The following SACS variants were observed in gnomAD, a reference collection of about 807,000 sequenced individuals.
The protein encoded by SACS is sacsin.
Under a neutral mutation model 348.0 loss-of-function variants are expected in SACS, and 197 were observed. The ratio of observed to expected loss-of-function variants is 0.57; its 90% CI spans 0.50 to 0.64. The LOEUF is 0.64. SACS is among the 30% of genes least tolerant of loss of function. The probability of loss-of-function intolerance (pLI) is 0.00; values close to 1 mark genes in which losing one functional copy is unlikely to be tolerated. For missense variants in SACS, 4,999 were observed against 5,360.8 expected, an observed-to-expected ratio of 0.93 and a Z score of 2.11; for synonymous variants, 1,985 against 1,910.6, an observed-to-expected ratio of 1.04 and a Z score of -1.02.
At chr13:23,394,624 C>A (rs1228939864) in intron 2 of SACS, among the ~76,000 whole-genome samples, 1 of 152,184 alleles carries the variant, frequency 6.6e-6, no homozygotes, top group Non-Finnish European at 1.5e-5. Context: ...GAGGCTGAGG[C>A]AAGTGGATCA....
chr13:23,346,688 C>T (rs1315513645), intron 9 of SACS: 1 of 215,116 alleles, frequency 4.6e-6, no homozygotes, highest in African/African-American at 2.3e-5. Flanking sequence ...ATAGTTATTA[C>T]CACCAGAAAA....
At chr13:23,373,667 G>A (rs1450326906) in intron 3 of SACS, among the ~76,000 whole-genome samples, 2 of 152,158 alleles carry the variant, frequency 1.3e-5, no homozygotes, top group African/African-American at 4.8e-5. Flanking sequence ...GGGCGTGGTG[G>A]CACACGCCTG....
chr13:23,363,481 C>T (rs1870869902), intron 6 of SACS, among the ~76,000 whole-genome samples: 1 of 152,172 alleles, frequency 6.6e-6, no homozygotes, highest in South Asian at 2.1e-4. Flanking sequence ...CCCACTTGGC[C>T]TCCCAAAGTG....
At position 23,339,511 on chromosome 13, in the gene SACS, T is replaced by C; in HGVS notation, c.4365A>G (p.Gly1455=). The C allele has an allele frequency of 6.2e-7, 1 of 1,612,870 alleles. No individual in the cohort carries two copies. The highest frequency in any genetic ancestry group is 8.5e-7 in the Non-Finnish European group (1 of 1,179,058). ...TTCTTACAGTAAGTGGCTCTCTTTGTCCTGACTGCTCAAATCCCATGTTTT... is the reference window on the plus strand; with the variant it reads ...TTCTTACAGTAAGTGGCTCTCTTTGCCCTGACTGCTCAAATCCCATGTTTT... ...NPENMGFEQS[G]QREPLTVRIK... is the part of the protein sequence containing the mutation. The change falls in exon 10 of 10, where the codon GGA becomes GGG. Residue 1455 remains glycine (G), a synonymous_variant. Transcript: ENST00000382292.
Position 23,358,397 on chromosome 13 carries a change from T to A in SACS, c.542A>T (p.Lys181Met). Residue 181 changes from lysine to methionine, a missense_variant, in exon 7 of 10, where the codon AAG becomes ATG. Around this residue, in one of 6 missense-constraint regions of SACS, gnomAD observed 3,156 missense variants for 3,380.1 expected, o/e 0.93. Transcript: ENST00000382292. ...TCTTCCGACCTTCAGAGGATCATCC[T>A]TTTTCCTGCTTCTTGCTATTTCTTG... ...GIQEIARSRKKDDPLKVGRFG... is the reference protein window; with the variant it reads ...GIQEIARSRKMDDPLKVGRFG... The A allele has an allele frequency of 6.2e-7, 1 of 1,614,006 alleles. No individual in the cohort carries two copies. The highest frequency in any genetic ancestry group is 8.5e-7 in the Non-Finnish European group (1 of 1,179,862).
chr13:23,348,339 A>C (rs572567623), intron 9 of SACS, among the ~76,000 whole-genome samples: 1 of 151,896 alleles, frequency 6.6e-6, no homozygotes, highest in African/African-American at 2.4e-5. Flanking sequence ...GAAGACACTG[A>C]TTTGAAGAGA....
intron 2 of SACS, among the ~76,000 whole-genome samples, chr13:23,393,204 A>C (rs1275582835): frequency 6.6e-6 from 1 of 152,194 alleles, no homozygotes; most frequent in Non-Finnish European, 1.5e-5. Context: ...ACCCAGAAAT[A>C]GCTGGGGAAG....
chr13:23,344,475 A>T (rs1324906555), intron 9 of SACS, among the ~76,000 whole-genome samples: 1 of 152,210 alleles, frequency 6.6e-6, no homozygotes, highest in Non-Finnish European at 1.5e-5. Context: ...TAAAGGAGAG[A>T]GAAAATGTAG....
chr13:23,343,753 A>C (rs1282112603), intron 9 of SACS, among the ~76,000 whole-genome samples: 1 of 152,218 alleles, frequency 6.6e-6, no homozygotes, highest in South Asian at 2.1e-4. Context: ...CAGGCTCTGG[A>C]AACTTTTGCG....
chr13:23,331,237 TTC>T lies in SACS; in HGVS notation c.12637_12638del (p.Glu4213ArgfsTer3). The T allele has an allele frequency of 6.2e-7, 1 of 1,613,956 alleles. No individual in the cohort carries two copies. Among genetic ancestry groups the T allele is most frequent in the Non-Finnish European group, 8.5e-7 (1 of 1,179,866 alleles). ...CTAGAAAACTAGAATTGTCAGCATC[TTC>T]TCTTTCAACTTCTTGTACAATAATT... ...YAIIVQEVER[E>X]DADNSSFLGK... On this transcript the variant is annotated frameshift_variant, in exon 10 of 10. Transcript: ENST00000382292. LOFTEE classifies it high-confidence loss of function.
rs1315451572 is a variant in SACS at position 23,341,544 on chromosome 13, A to C, written c.2332T>G (p.Trp778Gly). Residue 778 changes from tryptophan (W) to glycine (G), a missense_variant, in exon 10 of 10, where the codon TGG becomes GGG. Trp to Gly is a radical substitution (Grantham distance 184, BLOSUM62 -2). Around this residue, in one of 6 missense-constraint regions of SACS, gnomAD observed 3,156 missense variants for 3,380.1 expected, o/e 0.93. Coordinates refer to ENST00000382292, the MANE Select transcript of SACS (RefSeq NM_014363.6). ...DENRNHPSVS[W>G]LKMVWKNLYI... ...AGATTTTTCCAAACCATCTTAAGCCATGAAACAGATGGGTGATTTCTGTTT... is the reference window on the plus strand; with the variant it reads ...AGATTTTTCCAAACCATCTTAAGCCCTGAAACAGATGGGTGATTTCTGTTT... 1 of 1,614,140 alleles carries C rather than the reference A, an allele frequency of 6.2e-7. No homozygotes were observed.
rs745677991 is a variant in SACS at position 23,335,242 on chromosome 13, C to G, written c.8634G>C (p.Gly2878=). 8.7e-6 allele frequency: 14 copies of G among 1,613,784 alleles called. No individual in the cohort carries two copies. The African/African-American group carries it at 1.5e-4, about 17-fold the overall frequency. ...AGTGGCCATTCACATGAAATGGCAG[C>G]CCAGTCTCCAAAGAAAGAGGCAAAA... The part of the protein sequence containing the change: ...FCFLPLSLET[G]LPFHVNGHFA... The change falls in exon 10 of 10, where the codon GGG becomes GGC. Residue 2878 remains glycine, a synonymous_variant. Transcript: ENST00000382292. The surrounding 1 kb of genome is among the most constrained non-coding windows in gnomAD (Gnocchi z 4.7).
At chr13:23,416,753 T>TAA (rs34241276) in intron 1 of SACS, among the ~76,000 whole-genome samples, 2,706 of 137,778 alleles carry the variant, frequency 0.02, 77 homozygotes, top group African/African-American at 0.068. Context: ...AACTCCATCT[T>TAA]AAAAAAAAAA....
chr13:23,399,564 T>G (rs1872866768), intron 2 of SACS, among the ~76,000 whole-genome samples: 1 of 152,092 alleles, frequency 6.6e-6, no homozygotes, highest in South Asian at 2.1e-4. Flanking sequence ...TTGGGTCAGT[T>G]TAGATAGTAC....
At position 23,336,339 on chromosome 13, in the gene SACS, C is replaced by A; in HGVS notation, c.7537G>T (p.Val2513Phe). ...TCTGTGCCAAGTGTTGTAAAACAGACATTGGATGCATATCTTTCTAAGGCT... is the reference window on the plus strand; with the variant it reads ...TCTGTGCCAAGTGTTGTAAAACAGAAATTGGATGCATATCTTTCTAAGGCT... ...HKALERYASN[V>F]CFTTLGTEFG... The change falls in exon 10 of 10, where the codon GTC becomes TTC. Residue 2513 changes from valine (V) to phenylalanine (F), a missense_variant. Val to Phe is a conservative substitution (Grantham distance 50). Coordinates refer to ENST00000382292, the MANE Select transcript of SACS (RefSeq NM_014363.6). 1 of 1,614,050 alleles carries A rather than the reference C, an allele frequency of 6.2e-7. No homozygotes were observed. The highest frequency in any genetic ancestry group is 1.1e-5 in the South Asian group (1 of 91,076).
chr13:23,345,046 T>C (rs895356637), intron 9 of SACS, among the ~76,000 whole-genome samples: 1 of 152,232 alleles, frequency 6.6e-6, no homozygotes, highest in Non-Finnish European at 1.5e-5. Context: ...GAGAGTTTAC[T>C]ACATTCAACC....
rs200768588 is a variant in SACS at position 23,336,551 on chromosome 13, T to A, written c.7325A>T (p.Glu2442Val). Residue 2442 changes from glutamate (E) to valine (V), a missense_variant, in exon 10 of 10, where the codon GAA (glutamate) becomes GTA (valine). Glu to Val is a moderately radical substitution (Grantham distance 121). This residue lies in a region of SACS where 3,156 missense variants were observed against 3,380.1 expected (regional missense o/e 0.93). Coordinates refer to ENST00000382292, the MANE Select transcript of SACS (RefSeq NM_014363.6). ...IWSLIREKKQEFCEKNYGKIL... is the reference protein window; with the variant it reads ...IWSLIREKKQVFCEKNYGKIL... Reference sequence around the variant, plus strand: ...CTTGCCATAATTTTTCTCACAAAATTCTTGTTTCTTTTCTCTAATGAGACT... The same window carrying A: ...CTTGCCATAATTTTTCTCACAAAATACTTGTTTCTTTTCTCTAATGAGACT... 1 of 1,613,836 alleles carries A rather than the reference T, an allele frequency of 6.2e-7. No individual in the cohort carries two copies. Among genetic ancestry groups the A allele is most frequent in the South Asian group, 1.1e-5 (1 of 91,064 alleles).
chr13:23,381,709 G>A (rs777150235), intron 2 of SACS, among the ~76,000 whole-genome samples: 7 of 152,202 alleles, frequency 4.6e-5, no homozygotes, highest in African/African-American at 1.7e-4. Flanking sequence ...AAACAAATGG[G>A]AACTATTTGT....
chr13:23,426,229 A>G (rs1874168011), intron 1 of SACS, among the ~76,000 whole-genome samples: 1 of 152,182 alleles, frequency 6.6e-6, no homozygotes, highest in South Asian at 2.1e-4. Context: ...TATTTTGTCA[A>G]GGTTGAGGAC....
Sources: gnomAD v4.1 joint callset for allele counts (sites outside exome capture counted in the v4.1 genomes callset) on GRCh38, gnomAD v4.1.1 for gene constraint, gnomAD v4.1.1 regional missense constraint, Gnocchi (gnomAD v3.1) non-coding constraint, MANE v1.5 for transcripts, NCBI Gene and HGNC (gene_info 2026-07-23, HGNC 2026-07-21) for gene names.